CCDC138: variants seen among roughly 807,000 people sequenced by gnomAD.
CCDC138 encodes the protein coiled-coil domain-containing protein 138.
In CCDC138, 66 loss-of-function variants were observed where a neutral mutation model predicts 82.3. The ratio of observed to expected loss-of-function variants is 0.80; its 90% CI spans 0.66 to 0.98. CCDC138 has a LOEUF of 0.98. CCDC138 is among the 50% of genes least tolerant of loss of function. CCDC138 has a pLI of 0.00. For missense variants in CCDC138, 816 were observed against 758.9 expected, an observed-to-expected ratio of 1.08 and a Z score of -0.88; for synonymous variants, 297 against 265.4, an observed-to-expected ratio of 1.12 and a Z score of -1.16.
rs780781321 is a variant in CCDC138, at chr2:108,804,936, G to C, written c.783G>C (p.Lys261Asn). 1 of 1,571,312 alleles carries C rather than the reference G, an allele frequency of 6.4e-7. No individual in the cohort carries two copies. Among genetic ancestry groups the C allele is most frequent in the Admixed American group, 2.0e-5 (1 of 50,040 alleles). ...ACTTAACCGAAGTTCTTAAGGAAAA[G>C]AATAAAGAAACCAAGAGACTGAGGT... The part of the protein sequence containing the change: ...VEHLTEVLKE[K>N]NKETKRLRSS... Residue 261 changes from lysine (K) to asparagine (N), a missense_variant, in exon 7 of 15, where the codon AAG becomes AAC. Physicochemically the swap from Lys to Asn is moderately conservative, Grantham distance 94. Transcript: ENST00000295124.
intron 7 of CCDC138, among the ~76,000 whole-genome samples, chr2:108,807,889 C>G (rs1469761080): frequency 6.6e-6 from 1 of 152,174 alleles, no homozygotes; most frequent in Non-Finnish European, 1.5e-5. Flanking sequence ...GATTACAGGC[C>G]TGAGCCACTG....
chr2:108,866,958 G>A (rs192333095), intron 13 of CCDC138, among the ~76,000 whole-genome samples: 1 of 151,742 alleles, frequency 6.6e-6, no homozygotes, highest in Non-Finnish European at 1.5e-5. Flanking sequence ...TATAAATAGT[G>A]CATTATATTG....
chr2:108,877,813 G>A (rs1696129811), downstream of CCDC138, among the ~76,000 whole-genome samples: 1 of 152,176 alleles, frequency 6.6e-6, no homozygotes, highest in Admixed American at 6.5e-5. Flanking sequence ...TATGAGAAAA[G>A]GGTTCTATAA....
Position 108,812,850 on chromosome 2 carries a change from T to C in CCDC138, c.964T>C (p.Leu322=). 1 of 1,613,396 alleles carries C rather than the reference T, an allele frequency of 6.2e-7. No individual in the cohort carries two copies. The highest frequency in any genetic ancestry group is 8.5e-7 in the Non-Finnish European group (1 of 1,179,478). Reference sequence around the variant, plus strand: ...GTACGAGTTTATGACAATACAGAGATTGAAAGGAAGTTCCCATGCTGTTCA... The same window carrying C: ...GTACGAGTTTATGACAATACAGAGACTGAAAGGAAGTTCCCATGCTGTTCA... The part of the protein sequence containing the change: ...RKYEFMTIQR[L]KGSSHAVHEM... The change falls in exon 9 of 15, where the codon TTG becomes CTG. Residue 322 remains leucine, a synonymous_variant. Transcript: ENST00000295124.
At chr2:108,791,596 A>G (rs754090907) in intron 3 of CCDC138, 79 bp from the exon 4 acceptor site, 1 of 1,477,250 alleles carries the variant, frequency 6.8e-7, no homozygotes, top group Non-Finnish European at 9.4e-7. Flanking sequence ...TATGCTGTTA[A>G]TATTTGAAAA....
chr2:108,814,317 TGTA>T (rs1684382884), intron 9 of CCDC138, among the ~76,000 whole-genome samples: 1 of 152,198 alleles, frequency 6.6e-6, no homozygotes, highest in Admixed American at 6.5e-5. Context: ...CCAGTGGGTG[TGTA>T]GTAGTATCTT....
chr2:108,877,780 G>C (rs1186697888), downstream of CCDC138, among the ~76,000 whole-genome samples: 1 of 152,188 alleles, frequency 6.6e-6, no homozygotes, highest in African/African-American at 2.4e-5. Context: ...GATTGAAAGG[G>C]CTCATCATGT....
At chr2:108,849,503 G>A (rs1691068371) in intron 12 of CCDC138, among the ~76,000 whole-genome samples, 1 of 151,952 alleles carries the variant, frequency 6.6e-6, no homozygotes, top group South Asian at 2.1e-4. Flanking sequence ...CTTTTCAGTG[G>A]CTTCATCACC....
Position 108,805,011 on chromosome 2 carries a change from A to C in CCDC138, c.855+3A>C. ...TGAATGATACCTTAAAAAAACAGGT[A>C]AGACCTGTTTTAATATATACTGAAC... On this transcript the variant is annotated splice_donor_region_variant and intron_variant, in intron 7 of 14. Coordinates refer to ENST00000295124, the MANE Select transcript of CCDC138 (RefSeq NM_144978.3). 3 of 1,485,230 alleles carry C rather than the reference A, an allele frequency of 2.0e-6. No individual in the cohort carries two copies. The highest frequency in any genetic ancestry group is 9.0e-7 in the Non-Finnish European group (1 of 1,105,802). 92.0% of individuals were successfully genotyped at this position (1,485,230 alleles called of 1,614,324 possible).
Position 108,854,226 on chromosome 2 carries a change from C to T in CCDC138, c.1517-2568C>T, listed in dbSNP as rs1295899230. 3.3e-5 allele frequency among the ~76,000 whole-genome samples: 5 copies of T among 149,908 alleles called. No homozygotes were observed. In the East Asian group the frequency reaches 7.8e-4, roughly 23 times the overall value. ...TGTATTTTTAAATTGTGAGCTTATA[C>T]TTTAGGTCTAGAGAAATGTAGGGAA... On this transcript the variant is annotated intron_variant, in intron 12 of 14. Coordinates refer to ENST00000295124, the MANE Select transcript of CCDC138 (RefSeq NM_144978.3).
In CCDC138 at chr2:108,873,642, C is replaced by A. The variant is rs1262216565; in HGVS notation, c.1832+53C>A. On this transcript the variant is annotated intron_variant, in intron 14 of 14. Coordinates refer to ENST00000295124, the MANE Select transcript of CCDC138 (RefSeq NM_144978.3). Reference sequence around the variant, plus strand: ...TTATTGAAAAATACCTTACTGTGATCATTTAAACCAGGGGTTTTAATCTTT... The same window carrying A: ...TTATTGAAAAATACCTTACTGTGATAATTTAAACCAGGGGTTTTAATCTTT... The A allele has an allele frequency of 4.5e-6, 6 of 1,335,298 alleles. No individual in the cohort carries two copies. The African/African-American group carries it at 5.9e-5, about 13-fold the overall frequency. The allele number at this position is 1,335,298 out of a possible 1,614,324, so 82.7% of individuals were successfully genotyped here.
intron 4 of CCDC138, 34 bp from the exon 5 acceptor site, chr2:108,794,506 A>G (rs757254505): frequency 6.4e-7 from 1 of 1,554,502 alleles, no homozygotes; most frequent in Non-Finnish European, 8.7e-7. Flanking sequence ...ATAAGTTAAT[A>G]AAGTTTATAA....
At chr2:108,807,065 CT>C (rs1322584212) in intron 7 of CCDC138, among the ~76,000 whole-genome samples, 3 of 152,106 alleles carry the variant, frequency 2.0e-5, no homozygotes, top group Non-Finnish European at 4.4e-5. Context: ...GAAAATATGT[CT>C]TTCATTCTAT....
At position 108,800,574 on chromosome 2, in the gene CCDC138, C is replaced by T. The variant is rs184389183; in HGVS notation, c.735+1988C>T. On this transcript the variant is annotated intron_variant, in intron 6 of 14. Transcript: ENST00000295124. ...CTGGCCAGGCCTCAGTTTTTTCTCA[C>T]CTCCTCTGGGCAGTGGTTCTCATCT... Among the ~76,000 whole-genome samples the T allele has an allele frequency of 4.9e-3, 732 of 148,894 alleles. 4 individuals are homozygous for T. The highest frequency in any genetic ancestry group is 0.02 in the South Asian group (95 of 4,682).
chr2:108,799,439 G>C (rs193247858), intron 6 of CCDC138, among the ~76,000 whole-genome samples: 3 of 152,190 alleles, frequency 2.0e-5, no homozygotes, highest in South Asian at 4.2e-4. Context: ...GTTCCCTTAC[G>C]CTCTCTTGTA....
chr2:108,869,531 A>G (rs1390218940), intron 13 of CCDC138, among the ~76,000 whole-genome samples: 1 of 152,198 alleles, frequency 6.6e-6, no homozygotes, highest in East Asian at 1.9e-4. Flanking sequence ...GGTGGGCACC[A>G]TAGCACATGA....
intron 2 of CCDC138, chr2:108,884,874 C>T (rs1187764057): frequency 6.6e-6 from 1 of 151,256 alleles, no homozygotes; most frequent in Non-Finnish European, 1.5e-5. Flanking sequence ...CACACACCCT[C>T]GTTGAAACAC....
intron 10 of CCDC138, among the ~76,000 whole-genome samples, chr2:108,836,063 A>T (rs574405292): frequency 6.6e-6 from 1 of 152,184 alleles, no homozygotes; most frequent in African/African-American, 2.4e-5. Context: ...TTCCCAGTAG[A>T]TCCTCACCTC....
Position 108,791,691 on chromosome 2 carries a change from G to T in CCDC138, c.283G>T (p.Asp95Tyr). ...VNVNCLDDEL[D>Y]SFHDLKKQET... ...TTTTTAAAGCCTAGATGATGAACTG[G>T]ATTCTTTCCATGATTTGAAGAAACA... Residue 95 changes from aspartate to tyrosine, a missense_variant, in exon 4 of 15, where the codon GAT becomes TAT. Physicochemically the swap from Asp to Tyr is radical, Grantham distance 160. Coordinates refer to ENST00000295124, the MANE Select transcript of CCDC138 (RefSeq NM_144978.3). 1 of 1,607,474 alleles carries T rather than the reference G, an allele frequency of 6.2e-7. No individual in the cohort carries two copies. The highest frequency in any genetic ancestry group is 8.5e-7 in the Non-Finnish European group (1 of 1,175,926).
Sources: allele counts gnomAD v4.1 joint callset (sites outside exome capture counted in the v4.1 genomes callset), GRCh38; gene constraint gnomAD v4.1.1; transcripts MANE v1.5; gene names NCBI Gene and HGNC (gene_info 2026-07-23, HGNC 2026-07-21).